BASP1: variants seen among roughly 807,000 people sequenced by gnomAD.
The protein encoded by BASP1 is brain abundant membrane attached signal protein 1, also known as brain acid soluble protein 1.
BASP1 carries 1 observed loss-of-function variant against 2.2 expected under a neutral mutation model. That is an observed-to-expected ratio of 0.46 (90% CI 0.16 to 2.17). BASP1 has a LOEUF of 2.17. BASP1 is among the 30% of genes most tolerant of loss of function. BASP1 has a pLI of 0.27. For missense variants in BASP1, 352 were observed against 327.2 expected, an observed-to-expected ratio of 1.08 and a Z score of -0.58; for synonymous variants, 187 against 154.2, an observed-to-expected ratio of 1.21 and a Z score of -1.58.
At chr5:17,228,709 A>C (rs1733677015) in intron 1 of BASP1, among the ~76,000 whole-genome samples, 1 of 152,252 alleles carries the variant, frequency 6.6e-6, no homozygotes, top group South Asian at 2.1e-4. Flanking sequence ...ACCAGTTGGC[A>C]GATTGGGACA....
intron 1 of BASP1, among the ~76,000 whole-genome samples, chr5:17,232,455 C>G (rs1010770988): frequency 6.6e-6 from 1 of 152,214 alleles, no homozygotes; most frequent in Non-Finnish European, 1.5e-5. Context: ...GAATTTAGCT[C>G]TAATTCTGCG....
chr5:17,258,971 T>C (rs545012297), intron 1 of BASP1, among the ~76,000 whole-genome samples: 1 of 152,234 alleles, frequency 6.6e-6, no homozygotes, highest in East Asian at 1.9e-4. Flanking sequence ...AAAGTCACAC[T>C]ATGCTGTTTG....
At chr5:17,257,450 G>A (rs1740237758) in intron 1 of BASP1, among the ~76,000 whole-genome samples, 1 of 152,210 alleles carries the variant, frequency 6.6e-6, no homozygotes, top group South Asian at 2.1e-4. Flanking sequence ...TATTCTACAT[G>A]AATGGAGCTG....
intron 1 of BASP1, among the ~76,000 whole-genome samples, chr5:17,237,890 C>T (rs1462397921): frequency 1.3e-5 from 2 of 151,842 alleles, no homozygotes; most frequent in Non-Finnish European, 1.5e-5. Context: ...GGATTACAGG[C>T]ATGAGCCACT....
In BASP1 at chr5:17,257,662, C is replaced by T. The variant is rs779905367; in HGVS notation, c.-9-17546C>T. Among the ~76,000 whole-genome samples, 93 of 152,220 alleles carry T rather than the reference C, an allele frequency of 6.1e-4. 1 individual carries two copies. Among genetic ancestry groups the T allele is most frequent in the Admixed American group, 3.3e-4 (5 of 15,284 alleles). On this transcript the variant is annotated intron_variant, in intron 1 of 1. Transcript: ENST00000322611. ...ATAGCTGAACGTGGTCTCTCATCCC[C>T]TTGCCTATGTGCTTTTTTTCACAGA... is the stretch of plus-strand genomic sequence containing the variant.
chr5:17,219,835 T>C (rs1023988438), intron 1 of BASP1, among the ~76,000 whole-genome samples: 2 of 152,200 alleles, frequency 1.3e-5, no homozygotes, highest in African/African-American at 2.4e-5. Flanking sequence ...GGCGTCCAGA[T>C]GGAAATCTGA....
chr5:17,217,610 TGCAGC>T (rs1739282114), upstream of BASP1: 1 of 154,774 alleles, frequency 6.5e-6, no homozygotes, highest in Non-Finnish European at 1.4e-5. Context: ...ATGCAGAGGC[TGCAGC>T]GGCGGCGGCG....
At chr5:17,272,071 GA>G (rs778258451) in intron 1 of BASP1, among the ~76,000 whole-genome samples, 6,858 of 60,188 alleles carry the variant, frequency 0.11, 223 homozygotes, top group African/African-American at 0.2. Context: ...TGCATTTCAA[GA>G]AAAAAAAAAA....
intron 1 of BASP1, among the ~76,000 whole-genome samples, chr5:17,271,413 C>T (rs1298576359): frequency 3.3e-5 from 5 of 152,178 alleles, no homozygotes; most frequent in Non-Finnish European, 5.9e-5. Flanking sequence ...TGAGCCACCA[C>T]ACCCGGTCTT....
chr5:17,242,600 T>C (rs761897332), intron 1 of BASP1, among the ~76,000 whole-genome samples: 1 of 152,218 alleles, frequency 6.6e-6, no homozygotes, highest in Admixed American at 6.5e-5. Flanking sequence ...TAGAGTAGCA[T>C]AATTTTATCT....
chr5:17,226,488 G>C (rs1399086569), intron 1 of BASP1, among the ~76,000 whole-genome samples: 1 of 152,200 alleles, frequency 6.6e-6, no homozygotes, highest in Non-Finnish European at 1.5e-5. Flanking sequence ...GGGAAATAGT[G>C]TATCAAAAGG....
intron 1 of BASP1, among the ~76,000 whole-genome samples, chr5:17,228,585 A>C (rs1184735643): frequency 6.6e-6 from 1 of 152,222 alleles, no homozygotes; most frequent in East Asian, 1.9e-4. Flanking sequence ...GCTTAAATCA[A>C]ATCACCTTGT....
chr5:17,233,391 T>A (rs1192905575), intron 1 of BASP1, among the ~76,000 whole-genome samples: 1 of 152,196 alleles, frequency 6.6e-6, no homozygotes, highest in Non-Finnish European at 1.5e-5. Flanking sequence ...TATATCTCCT[T>A]CCCCTTCTTT....
At chr5:17,272,096 A>G (rs1351433798) in intron 1 of BASP1, among the ~76,000 whole-genome samples, 1 of 151,338 alleles carries the variant, frequency 6.6e-6, no homozygotes, top group Non-Finnish European at 1.5e-5. Flanking sequence ...AAAGAAAGAA[A>G]AGAAAAAGAA....
intron 1 of BASP1, among the ~76,000 whole-genome samples, chr5:17,263,551 C>T (rs1740361294): frequency 6.6e-6 from 1 of 152,184 alleles, no homozygotes; most frequent in African/African-American, 2.4e-5. Context: ...AGACCCTGTG[C>T]CAGTGCATCT....
At chr5:17,218,407 G>A (rs565649329) in intron 1 of BASP1, among the ~76,000 whole-genome samples, 1 of 152,296 alleles carries the variant, frequency 6.6e-6, no homozygotes, top group South Asian at 2.1e-4. Flanking sequence ...TCTTGGTTCT[G>A]GGGCCAAGGA....
intron 1 of BASP1, among the ~76,000 whole-genome samples, chr5:17,247,952 C>A (rs73756382): frequency 0.015 from 2,246 of 152,238 alleles, 45 homozygotes; most frequent in African/African-American, 0.051. Context: ...CTGTTTGCAT[C>A]CTAGGCCACC....
chr5:17,275,646 G>C lies in BASP1; in HGVS notation c.430G>C (p.Glu144Gln). The C allele has an allele frequency of 3.9e-6, 6 of 1,533,814 alleles. No individual in the cohort carries two copies. Among genetic ancestry groups the C allele is most frequent in the Non-Finnish European group, 5.3e-6 (6 of 1,141,536 alleles). The change falls in exon 2 of 2, where the codon GAG (glutamate) becomes CAG (glutamine). Residue 144 changes from glutamate (E) to glutamine (Q), a missense_variant. Glu to Gln is a conservative substitution (Grantham distance 29). Coordinates refer to ENST00000322611, the MANE Select transcript of BASP1 (RefSeq NM_006317.5). The surrounding 1 kb of genome is among the most constrained non-coding windows in gnomAD (Gnocchi z 5.3). ...APAAGEEPSK[E>Q]EGEPKKTEAP... is the part of the protein sequence containing the mutation. ...TGCCGCCGGGGAGGAGCCCAGCAAGGAGGAAGGGGAACCCAAAAAGACTGA... is the reference window on the plus strand; with the variant it reads ...TGCCGCCGGGGAGGAGCCCAGCAAGCAGGAAGGGGAACCCAAAAAGACTGA...
chr5:17,224,461 A>G (rs370110496), intron 1 of BASP1, among the ~76,000 whole-genome samples: 2 of 134,370 alleles, frequency 1.5e-5, no homozygotes, highest in African/African-American at 2.7e-5. Flanking sequence ...AGGGGGGGAA[A>G]AAAGGGGAAG....
Sources: allele counts gnomAD v4.1 joint callset (sites outside exome capture counted in the v4.1 genomes callset), GRCh38; gene constraint gnomAD v4.1.1; non-coding constraint Gnocchi (gnomAD v3.1); transcripts MANE v1.5; gene names NCBI Gene and HGNC (gene_info 2026-07-23, HGNC 2026-07-21).